The following BCAS2 variants were observed in gnomAD, a reference collection of about 807,000 sequenced individuals.
BCAS2 encodes pre-mRNA-splicing factor SPF27.
BCAS2 carries 34 observed loss-of-function variants against 35.3 expected under a neutral mutation model. The observed-to-expected ratio is 0.96, with a 90% CI of 0.73 to 1.28. The LOEUF is 1.28. Ranked by LOEUF, BCAS2 falls within the 50% of genes most tolerant of loss-of-function variation. The probability of loss-of-function intolerance (pLI) is 0.00; values close to 1 mark genes in which losing one functional copy is unlikely to be tolerated. For synonymous variants in BCAS2, 75 were observed against 91.6 expected, an observed-to-expected ratio of 0.82 and a Z score of 1.03; for missense variants, 221 against 268.1, an observed-to-expected ratio of 0.82 and a Z score of 1.23.
At chr1:114,569,011 T>C (rs1456426761) in intron 6 of BCAS2, among the ~76,000 whole-genome samples, 2 of 151,962 alleles carry the variant, frequency 1.3e-5, no homozygotes, top group Non-Finnish European at 2.9e-5. Flanking sequence ...GCAATCCTCC[T>C]ACCTTGGCCT....
At chr1:114,574,866 G>A (rs1268160396) in intron 4 of BCAS2, among the ~76,000 whole-genome samples, 1 of 151,836 alleles carries the variant, frequency 6.6e-6, no homozygotes, top group African/African-American at 2.4e-5. Flanking sequence ...CATACTTTGT[G>A]GGGTTTTTTT....
chr1:114,569,681 G>A (rs564093473), intron 6 of BCAS2, among the ~76,000 whole-genome samples: 10 of 145,870 alleles, frequency 6.9e-5, no homozygotes, highest in East Asian at 4.0e-4. Flanking sequence ...TTTTTTTTCC[G>A]TTTAAAAGGA....
At position 114,573,236 on chromosome 1, in the gene BCAS2, T is replaced by C. The variant is rs140824526; in HGVS notation, c.419+2354A>G. On this transcript the variant is annotated intron_variant, in intron 4 of 6. Transcript: ENST00000369541. Reference sequence around the variant, plus strand: ...CAGTGTTCTTTTCAATGTCATATTTTTTCCTCTGCATCTATGCTCTCCATT... The same window carrying C: ...CAGTGTTCTTTTCAATGTCATATTTCTTCCTCTGCATCTATGCTCTCCATT... Among the ~76,000 whole-genome samples the C allele has an allele frequency of 2.7e-3, 418 of 152,126 alleles. 3 individuals carry two copies. Among genetic ancestry groups the C allele is most frequent in the African/African-American group, 9.4e-3 (391 of 41,490 alleles).
At chr1:114,579,459 A>G (rs1654837814) in intron 2 of BCAS2, among the ~76,000 whole-genome samples, 1 of 152,268 alleles carries the variant, frequency 6.6e-6, no homozygotes, top group South Asian at 2.1e-4. Context: ...AATCAGTCCA[A>G]TAAGGAAGCA....
chr1:114,575,499 C>T, intron 4 of BCAS2, 91 bp downstream of exon 4: 2 of 1,312,816 alleles, frequency 1.5e-6, no homozygotes, highest in Non-Finnish European at 1.0e-6. Context: ...CCAGCACCTC[C>T]CATACTTTTA....
intron 2 of BCAS2, among the ~76,000 whole-genome samples, chr1:114,580,641 G>T (rs1446777997): frequency 3.3e-5 from 5 of 151,858 alleles, no homozygotes; most frequent in Admixed American, 6.6e-5. Flanking sequence ...GAGGATGTTT[G>T]TCTTAAATAA....
At position 114,581,397 on chromosome 1, in the gene BCAS2, A is replaced by G; in HGVS notation, c.94-6T>C. The stretch of plus-strand genomic sequence containing the variant: ...TCCTCCACCAGCGCTGCAGCCTAAG[A>G]AAGAGAATAGGGACCAGGGTAGAAG... On this transcript the variant is annotated splice_polypyrimidine_tract_variant and splice_region_variant and intron_variant, in intron 1 of 6. Transcript: ENST00000369541. 1 of 1,614,150 alleles carries G rather than the reference A, an allele frequency of 6.2e-7. No homozygotes were observed.
chr1:114,580,009 T>C (rs1050100536), intron 2 of BCAS2, among the ~76,000 whole-genome samples: 1 of 151,960 alleles, frequency 6.6e-6, no homozygotes, highest in Non-Finnish European at 1.5e-5. Flanking sequence ...TGGCTCACTG[T>C]AGCAGTCTTG....
In BCAS2 at chr1:114,568,577, G is replaced by A. The variant is rs1048294474; in HGVS notation, c.552-321C>T. Among the ~76,000 whole-genome samples, 5 of 151,766 alleles carry A rather than the reference G, an allele frequency of 3.3e-5. No individual in the cohort carries two copies. In the East Asian group the frequency reaches 9.7e-4, roughly 29 times the overall value. ...AGATGGGGTTTCACCACGTTGGCCA[G>A]GCTGGTCTCAAACTCCTGACCCCAG... On this transcript the variant is annotated intron_variant, in intron 6 of 6. Transcript: ENST00000369541.
chr1:114,579,033 T>C (rs1321995269), intron 2 of BCAS2, among the ~76,000 whole-genome samples: 1 of 152,182 alleles, frequency 6.6e-6, no homozygotes, highest in East Asian at 1.9e-4. Context: ...CTCAGCACTT[T>C]GGGAGGCCGA....
At chr1:114,568,423 A>G (rs572582698) in intron 6 of BCAS2, among the ~76,000 whole-genome samples, 167 bp from the exon 7 acceptor site, 8 of 151,570 alleles carry the variant, frequency 5.3e-5, no homozygotes, top group Non-Finnish European at 1.2e-4. Flanking sequence ...CTGGAGAACA[A>G]TGGCGCAACC....
At chr1:114,580,434 G>A (rs918913891) in intron 2 of BCAS2, among the ~76,000 whole-genome samples, 1 of 152,192 alleles carries the variant, frequency 6.6e-6, no homozygotes, top group Non-Finnish European at 1.5e-5. Flanking sequence ...AATGTGTGGA[G>A]TAGAACAGCA....
intron 2 of BCAS2, among the ~76,000 whole-genome samples, chr1:114,577,155 C>T (rs1654787393): frequency 6.6e-6 from 1 of 152,162 alleles, no homozygotes; most frequent in Admixed American, 6.6e-5. Flanking sequence ...GTTATGAAGG[C>T]TCAATCCATT....
At chr1:114,577,438 T>A (rs577785548) in intron 2 of BCAS2, among the ~76,000 whole-genome samples, 1 of 152,228 alleles carries the variant, frequency 6.6e-6, no homozygotes, top group East Asian at 1.9e-4. Context: ...AATGGCGCGA[T>A]CTTGGCTCAT....
intron 2 of BCAS2, among the ~76,000 whole-genome samples, chr1:114,578,536 C>A (rs1654821574): frequency 6.6e-6 from 1 of 152,188 alleles, no homozygotes; most frequent in African/African-American, 2.4e-5. Context: ...AAAGACTAAG[C>A]CAGTGTTCAT....
At chr1:114,575,439 C>A in intron 4 of BCAS2, 151 bp downstream of exon 4, 1 of 677,240 alleles carries the variant, frequency 1.5e-6, no homozygotes, top group Non-Finnish European at 2.3e-6. Context: ...AAGCAATCCA[C>A]CCACCTCTGC....
intron 4 of BCAS2, among the ~76,000 whole-genome samples, chr1:114,575,029 G>A (rs1570738548): frequency 6.8e-6 from 1 of 146,638 alleles, no homozygotes; most frequent in Non-Finnish European, 1.5e-5. Flanking sequence ...CACCATGGCC[G>A]GCTAATCTTT....
chr1:114,569,796 C>G (rs150761135), intron 6 of BCAS2, among the ~76,000 whole-genome samples, 196 bp downstream of exon 6: 1 of 152,068 alleles, frequency 6.6e-6, no homozygotes, highest in Non-Finnish European at 1.5e-5. Flanking sequence ...AAGGATCCTT[C>G]GCCAATGGTT....
intron 6 of BCAS2, among the ~76,000 whole-genome samples, 171 bp from the exon 7 acceptor site, chr1:114,568,427 C>T (rs570529247): frequency 4.5e-4 from 67 of 148,292 alleles, no homozygotes; most frequent in African/African-American, 1.4e-3. Context: ...AGAACAATGG[C>T]GCAACCTCAG....
Sources: allele counts gnomAD v4.1 joint callset (sites outside exome capture counted in the v4.1 genomes callset), GRCh38; gene constraint gnomAD v4.1.1; transcripts MANE v1.5; gene names NCBI Gene and HGNC (gene_info 2026-07-23, HGNC 2026-07-21).